Variants in RECQL observed in about 807,000 individuals in gnomAD.
The protein encoded by RECQL is ATP-dependent DNA helicase Q1.
A neutral mutation model predicts 75.8 loss-of-function variants in RECQL; 73 were observed. The ratio of observed to expected loss-of-function variants is 0.96; its 90% confidence interval spans 0.80 to 1.17. The LOEUF (loss-of-function observed/expected upper bound fraction) is 1.17, where lower values mean the gene tolerates loss of function less well. Among genes scored for constraint, RECQL ranks in the 50% most tolerant of loss-of-function variants. The pLI is 0.00. For missense variants in RECQL, 699 were observed against 772.1 expected (o/e 0.91, Z 1.12); for synonymous variants, 248 against 254.4 (o/e 0.97, Z 0.24).
intron 2 of RECQL, among the ~76,000 whole-genome samples, chr12:21,494,112 T>C (rs562652947): frequency 6.6e-6 from 1 of 152,260 alleles, no homozygotes; most frequent in African/African-American, 2.4e-5. Context: ...GGCAGGTGTG[T>C]CACACAGTGG....
At chr12:21,490,883 C>T (rs1487786820) in intron 3 of RECQL, among the ~76,000 whole-genome samples, 1 of 152,028 alleles carries the variant, frequency 6.6e-6, no homozygotes, top group African/African-American at 2.4e-5. Context: ...CAAATGTAAA[C>T]ATTTGCCAGT....
chr12:21,488,574 A>C (rs978121374), intron 4 of RECQL, among the ~76,000 whole-genome samples: 5 of 152,092 alleles, frequency 3.3e-5, no homozygotes, highest in African/African-American at 1.2e-4. Context: ...TCCCAAATAA[A>C]TTCATCATCT....
chr12:21,479,200 C>T (rs956916820), intron 6 of RECQL, among the ~76,000 whole-genome samples: 1 of 152,168 alleles, frequency 6.6e-6, no homozygotes, highest in Non-Finnish European at 1.5e-5. Flanking sequence ...AAACCGTTAT[C>T]CCATAACATT....
At chr12:21,473,997 CTT>C (rs1943034075) in intron 11 of RECQL, among the ~76,000 whole-genome samples, 1 of 152,098 alleles carries the variant, frequency 6.6e-6, no homozygotes, top group Non-Finnish European at 1.5e-5. Context: ...ACGTGAACAT[CTT>C]TGGGGGGCCA....
intron 2 of RECQL, among the ~76,000 whole-genome samples, chr12:21,496,665 C>A (rs994375856): frequency 6.6e-6 from 1 of 152,154 alleles, no homozygotes; most frequent in Non-Finnish European, 1.5e-5. Context: ...GGCCTGACAC[C>A]TTGGTGAGAG....
At chr12:21,495,206 T>C (rs1206194163) in intron 2 of RECQL, among the ~76,000 whole-genome samples, 2 of 152,136 alleles carry the variant, frequency 1.3e-5, no homozygotes, top group Admixed American at 6.5e-5. Context: ...TTGGAGCCTG[T>C]TGGGGAAGGA....
intron 3 of RECQL, 74 bp downstream of exon 3, chr12:21,491,445 A>G (rs1328601223): frequency 7.1e-6 from 10 of 1,412,610 alleles, no homozygotes; most frequent in Admixed American, 4.9e-5. Flanking sequence ...GCACTGTCCC[A>G]TCAAGAATTC....
At chr12:21,490,954 ATGT>A (rs1426115684) in intron 3 of RECQL, among the ~76,000 whole-genome samples, 1 of 152,336 alleles carries the variant, frequency 6.6e-6, no homozygotes, top group Admixed American at 6.5e-5. Flanking sequence ...AATTGTCTGA[ATGT>A]TGATCAGGGA....
intron 2 of RECQL, among the ~76,000 whole-genome samples, chr12:21,496,746 T>C: frequency 6.6e-6 from 1 of 152,226 alleles, no homozygotes; most frequent in Non-Finnish European, 1.5e-5. Flanking sequence ...TGGCCCCTCC[T>C]ATTACTAAGA....
Position 21,473,601 on chromosome 12 carries a change from C to T in RECQL, c.1397G>A (p.Trp466Ter), listed in dbSNP as rs759170220. ...VLMAQHFDEV[W>*]NSEACNKMCD... is the part of the protein sequence containing the mutation. ...CATTTTGTTACATGCTTCTGAGTTCCATACTTCATCAAAATGTTGAGCCAT... is the reference window on the plus strand; with the variant it reads ...CATTTTGTTACATGCTTCTGAGTTCTATACTTCATCAAAATGTTGAGCCAT... Residue 466 changes from tryptophan to a stop codon, truncating the protein, a stop_gained, in exon 12 of 15, where the codon TGG becomes TAG. Coordinates refer to ENST00000444129, the MANE Select transcript of RECQL (RefSeq NM_002907.4). LOFTEE classifies it high-confidence loss of function. The T allele has an allele frequency of 6.2e-7, 1 of 1,612,896 alleles. No homozygotes were observed. Among genetic ancestry groups the T allele is most frequent in the Non-Finnish European group, 8.5e-7 (1 of 1,179,254 alleles).
intron 2 of RECQL, among the ~76,000 whole-genome samples, chr12:21,496,238 T>C (rs373543397): frequency 6.6e-6 from 1 of 152,246 alleles, no homozygotes; most frequent in South Asian, 2.1e-4. Context: ...CCAAAATTAA[T>C]AAGGCTGTGG....
Position 21,471,203 on chromosome 12 carries a change from TTGAAA to T in RECQL, c.1668-110_1668-106del, listed in dbSNP as rs1482649808. 1.1e-5 allele frequency: 13 copies of T among 1,191,286 alleles called. No homozygotes were observed. The Admixed American group carries it at 1.9e-4, about 17-fold the overall frequency. The allele number at this position is 1,191,286 out of a possible 1,614,324, so 73.8% of individuals were successfully genotyped here. On this transcript the variant is annotated intron_variant, in intron 13 of 14. Transcript: ENST00000444129. ...GCGCAGTAATTCTTAACACATTGAC[TTGAAA>T]TAATAAAATTTACAAGAATGCAAAT...
chr12:21,473,136 A>G (rs1591970532), intron 12 of RECQL, among the ~76,000 whole-genome samples: 1 of 152,130 alleles, frequency 6.6e-6, no homozygotes, highest in East Asian at 1.9e-4. Context: ...CCAGCTGTAT[A>G]TACAGTTTTG....
chr12:21,473,432 A>T, intron 12 of RECQL, 119 bp downstream of exon 12: 1 of 743,680 alleles, frequency 1.3e-6, no homozygotes, highest in Non-Finnish European at 2.3e-6. Flanking sequence ...TTATGTAAGT[A>T]CACTTTGATG....
intron 4 of RECQL, 41 bp from the exon 5 acceptor site, chr12:21,486,626 C>A (rs767140541): frequency 1.7e-6 from 2 of 1,156,896 alleles, no homozygotes; most frequent in Admixed American, 2.4e-5. Context: ...AAACTTTACA[C>A]CACCCTCAGA....
chr12:21,484,366 A>C (rs1437919335), intron 5 of RECQL, among the ~76,000 whole-genome samples: 2 of 152,166 alleles, frequency 1.3e-5, no homozygotes, highest in East Asian at 3.8e-4. Context: ...AAGAGTAGGG[A>C]TATATCATGA....
At position 21,499,537 on chromosome 12, in the gene RECQL, G is replaced by A. The variant is rs1191928642; in HGVS notation, c.16+18C>T. ...AATAGAACAGAAGGAAGAAGAAAAT[G>A]TAATCATTGCTACTAACCTGAAACG... On this transcript the variant is annotated intron_variant, in intron 2 of 14. Coordinates refer to ENST00000444129, the MANE Select transcript of RECQL (RefSeq NM_002907.4). The A allele has an allele frequency of 1.3e-6, 2 of 1,572,018 alleles. No homozygotes were observed.
At position 21,490,245 on chromosome 12, in the gene RECQL, T is replaced by C; in HGVS notation, c.348A>G (p.Gly116=). The C allele has an allele frequency of 6.2e-7, 1 of 1,613,156 alleles. No individual in the cohort carries two copies. The highest frequency in any genetic ancestry group is 1.7e-5 in the Admixed American group (1 of 60,006). Reference sequence around the variant, plus strand: ...ACTGGTAACATAAGCTCTTTCCACCTCCTGTAGGCATAACAAGAAATACCT... The same window carrying C: ...ACTGGTAACATAAGCTCTTTCCACCCCCTGTAGGCATAACAAGAAATACCT... ...GKEVFLVMPT[G]GGKSLCYQLP... Residue 116 remains glycine, a synonymous_variant, in exon 4 of 15, where the codon GGA becomes GGG. Transcript: ENST00000444129.
chr12:21,483,747 G>A (rs1467761076), intron 5 of RECQL, among the ~76,000 whole-genome samples, 173 bp from the exon 6 acceptor site: 2 of 152,070 alleles, frequency 1.3e-5, no homozygotes. Context: ...GAAACATCAT[G>A]GCAGCTGTGT....
Sources: gnomAD v4.1 joint callset for allele counts (sites outside exome capture counted in the v4.1 genomes callset) on GRCh38, gnomAD v4.1.1 for gene constraint, MANE v1.5 for transcripts, NCBI Gene and HGNC (gene_info 2026-07-23, HGNC 2026-07-21) for gene names.